The following GNRH1 variants were observed in gnomAD, a reference collection of about 807,000 sequenced individuals.
The protein encoded by GNRH1 is progonadoliberin-1.
Under a neutral mutation model 13.6 loss-of-function variants are expected in GNRH1, and 9 were observed. That is an observed-to-expected ratio of 0.66 (90% CI 0.40 to 1.15). The LOEUF is 1.15. GNRH1 is among the 50% of genes most tolerant of loss of function. GNRH1 has a pLI of 0.01. For missense variants in GNRH1, 116 were observed against 110.8 expected, an observed-to-expected ratio of 1.05 and a Z score of -0.21; for synonymous variants, 44 against 40.1, an observed-to-expected ratio of 1.10 and a Z score of -0.37.
Position 25,419,407 on chromosome 8 carries a change from G to T in GNRH1, c.*12C>A. 1 of 1,415,366 alleles carries T rather than the reference G, an allele frequency of 7.1e-7. No homozygotes were observed. The highest frequency in any genetic ancestry group is 1.0e-6 in the Non-Finnish European group (1 of 998,784). The allele number at this position is 1,415,366 out of a possible 1,614,324, so 87.7% of individuals were successfully genotyped here. A position where few individuals can be genotyped will look rare whatever the true frequency, so the allele number is the denominator to read the frequency against. On this transcript the variant is annotated 3_prime_UTR_variant, in exon 4 of 4. Transcript: ENST00000421054. ...CATGTTAGTAATGGTCATTCCTTCTGGCCCAATGGATTTAAATCTTCTTCT... is the reference window on the plus strand; with the variant it reads ...CATGTTAGTAATGGTCATTCCTTCTTGCCCAATGGATTTAAATCTTCTTCT...
At position 25,423,200 on chromosome 8, in the gene GNRH1, G is replaced by A; in HGVS notation, c.131C>T (p.Ser44Phe). ...CTGAGAGAAACTTACCTCTTGGAAA[G>A]AATCAATCAAATTTTCGGCATCTCT... Reference protein sequence around the residue: ...GKRDAENLIDSFQEIVKEVGQ... With the variant: ...GKRDAENLIDFFQEIVKEVGQ... The change falls in exon 2 of 4, where the codon TCT (serine) becomes TTT (phenylalanine). Residue 44 changes from serine to phenylalanine, a missense_variant. Ser to Phe is a radical substitution (Grantham distance 155). Coordinates refer to ENST00000421054, the MANE Select transcript of GNRH1 (RefSeq NM_001083111.2). The A allele has an allele frequency of 6.2e-7, 1 of 1,610,790 alleles. No homozygotes were observed. The highest frequency in any genetic ancestry group is 8.5e-7 in the Non-Finnish European group (1 of 1,176,976).
chr8:25,422,951 C>A (rs1223818139), intron 2 of GNRH1, among the ~76,000 whole-genome samples: 1 of 152,140 alleles, frequency 6.6e-6, no homozygotes, highest in African/African-American at 2.4e-5. Context: ...CAGAGTATGA[C>A]GTGCTGTCTC....
intron 2 of GNRH1, 104 bp downstream of exon 2, chr8:25,423,086 G>A: frequency 1.1e-6 from 1 of 899,032 alleles, no homozygotes; most frequent in African/African-American, 1.6e-5. Flanking sequence ...GAGCATCTAG[G>A]GTACAACATC....
In GNRH1 at chr8:25,420,813, A is replaced by C. The variant is rs575488727; in HGVS notation, c.237+760T>G. 1.2e-4 allele frequency among the ~76,000 whole-genome samples: 19 copies of C among 152,252 alleles called. No individual in the cohort carries two copies. In the East Asian group the frequency reaches 3.7e-3, roughly 29 times the overall value. On this transcript the variant is annotated intron_variant, in intron 3 of 3. Coordinates refer to ENST00000421054, the MANE Select transcript of GNRH1 (RefSeq NM_001083111.2). Reference sequence around the variant, plus strand: ...CTAATCTAGTCTCCAGAATTGCTTGAGCCTGGGAGGTTGAGGCTGTGGTGA... The same window carrying C: ...CTAATCTAGTCTCCAGAATTGCTTGCGCCTGGGAGGTTGAGGCTGTGGTGA...
intron 2 of GNRH1, 56 bp from the exon 3 acceptor site, chr8:25,421,724 T>C: frequency 1.1e-6 from 1 of 913,368 alleles, no homozygotes; most frequent in South Asian, 1.3e-5. Context: ...AAATGGTGTT[T>C]TCCATTTCCA....
chr8:25,419,563 CTGTT>C, intron 3 of GNRH1, 103 bp from the exon 4 acceptor site: 2 of 748,802 alleles, frequency 2.7e-6, no homozygotes, highest in Non-Finnish European at 4.8e-6. Context: ...AGGAATTGGT[CTGTT>C]TGATTTTGTG....
In GNRH1 at chr8:25,423,133, A is replaced by G. The variant is rs964387602; in HGVS notation, c.141+57T>C. 17 of 1,238,492 alleles carry G rather than the reference A, an allele frequency of 1.4e-5. No individual in the cohort carries two copies. The Admixed American group carries it at 1.8e-4, about 13-fold the overall frequency. 76.7% of individuals were successfully genotyped at this position (1,238,492 alleles called of 1,614,324 possible). A position where few individuals can be genotyped will look rare whatever the true frequency, so the allele number is the denominator to read the frequency against. On this transcript the variant is annotated intron_variant, in intron 2 of 3. Transcript: ENST00000421054. ...ACATTGGGGCTATCCTGAATGTTTA[A>G]TATAGTTAAATTGAATAAAATCACT... is the stretch of plus-strand genomic sequence containing the variant.
At chr8:25,420,935 C>A (rs1265170299) in intron 3 of GNRH1, among the ~76,000 whole-genome samples, 1 of 152,140 alleles carries the variant, frequency 6.6e-6, no homozygotes, top group African/African-American at 2.4e-5. Flanking sequence ...ACATTCAATT[C>A]TCTTTATACT....
rs17053646 is a variant in GNRH1 at position 25,423,105 on chromosome 8, T to C, written c.141+85A>G. On this transcript the variant is annotated intron_variant, in intron 2 of 3. Coordinates refer to ENST00000421054, the MANE Select transcript of GNRH1 (RefSeq NM_001083111.2). ...ATCTAGGGTACAACATCATAGAATA[T>C]TGACATTGGGGCTATCCTGAATGTT... The C allele has an allele frequency of 0.013, 13,452 of 1,011,756 alleles. 1,185 individuals are homozygous for C. The African/African-American group carries it at 0.18, about 14-fold the overall frequency. The allele number at this position is 1,011,756 out of a possible 1,614,324, so 62.7% of individuals were successfully genotyped here. A position where few individuals can be genotyped will look rare whatever the true frequency, so the allele number is the denominator to read the frequency against.
intron 3 of GNRH1, among the ~76,000 whole-genome samples, chr8:25,420,617 C>T (rs1801758215): frequency 6.6e-6 from 1 of 152,028 alleles, no homozygotes; most frequent in Non-Finnish European, 1.5e-5. Flanking sequence ...CAAGATTCAA[C>T]TTAAGTCAGG....
rs1801773599 is a variant in GNRH1, at chr8:25,421,600, A to T, written c.210T>A (p.Ser70=). ...GAGCTCCTTTCAGGTCTCGGAGGGG[A>T]GAACGTGGCTGGTGCGTGGTGCATT... The part of the protein sequence containing the change: ...RFECTTHQPR[S]PLRDLKGALE... Residue 70 remains serine (S), a synonymous_variant, in exon 3 of 4, where the codon TCT becomes TCA. Coordinates refer to ENST00000421054, the MANE Select transcript of GNRH1 (RefSeq NM_001083111.2). 1 of 1,599,804 alleles carries T rather than the reference A, an allele frequency of 6.3e-7. No individual in the cohort carries two copies. The highest frequency in any genetic ancestry group is 1.7e-5 in the Admixed American group (1 of 59,966).
chr8:25,423,542 G>A (rs2117370291), intron 1 of GNRH1: 1 of 595,196 alleles, frequency 1.7e-6, no homozygotes, highest in South Asian at 2.0e-5. Flanking sequence ...GAGTACTTAA[G>A]CTCACATGTT....
chr8:25,423,422 T>A, intron 1 of GNRH1, 91 bp from the exon 2 acceptor site: 3 of 1,082,970 alleles, frequency 2.8e-6, no homozygotes, highest in African/African-American at 3.1e-5. Flanking sequence ...AGCATCTGTA[T>A]CACTAACCCT....
chr8:25,421,939 C>T (rs956625051), intron 2 of GNRH1, among the ~76,000 whole-genome samples: 1 of 151,800 alleles, frequency 6.6e-6, no homozygotes, highest in Non-Finnish European at 1.5e-5. Context: ...CACTTTGAGC[C>T]TCATGAGAGT....
intron 3 of GNRH1, among the ~76,000 whole-genome samples, chr8:25,420,392 C>T (rs889680717): frequency 3.9e-5 from 2 of 51,622 alleles, no homozygotes; most frequent in African/African-American, 2.0e-4. Flanking sequence ...CCAAAAAAAA[C>T]GAAAAAGGAA....
At chr8:25,420,547 T>C (rs752939323) in intron 3 of GNRH1, among the ~76,000 whole-genome samples, 13 of 152,202 alleles carry the variant, frequency 8.5e-5, no homozygotes, top group African/African-American at 1.4e-4. Flanking sequence ...TTAACTGTAA[T>C]GCCTTCTGAT....
At chr8:25,422,313 A>T (rs1657029738) in intron 2 of GNRH1, among the ~76,000 whole-genome samples, 1 of 152,102 alleles carries the variant, frequency 6.6e-6, no homozygotes, top group African/African-American at 2.4e-5. Flanking sequence ...TTGGGAGGCC[A>T]AGGTGGGAGG....
chr8:25,420,709 C>A (rs1369459351), intron 3 of GNRH1, among the ~76,000 whole-genome samples: 10 of 151,944 alleles, frequency 6.6e-5, no homozygotes, highest in Non-Finnish European at 1.5e-4. Flanking sequence ...GCAACATAGA[C>A]CCTGTCTCTA....
intron 1 of GNRH1, chr8:25,423,544 T>C (rs1244805013): frequency 1.7e-6 from 1 of 591,816 alleles, no homozygotes; most frequent in Non-Finnish European, 3.0e-6. Flanking sequence ...GTACTTAAGC[T>C]CACATGTTCA....
Sources: gnomAD v4.1 joint callset for allele counts (sites outside exome capture counted in the v4.1 genomes callset) on GRCh38, gnomAD v4.1.1 for gene constraint, MANE v1.5 for transcripts, NCBI Gene and HGNC (gene_info 2026-07-23, HGNC 2026-07-21) for gene names.